RALYL: variants seen among roughly 807,000 people sequenced by gnomAD.
RALYL encodes RALY RNA binding protein like, also known as RNA-binding Raly-like protein.
In RALYL, 29 loss-of-function variants were observed where a neutral mutation model predicts 35.1. The ratio of observed to expected loss-of-function variants is 0.83; its 90% CI spans 0.61 to 1.13. RALYL has a LOEUF of 1.13. RALYL is among the 50% of genes most tolerant of loss of function. The pLI is 0.00. For missense variants in RALYL, 359 were observed against 360.4 expected (o/e 1.00, Z 0.03); for synonymous variants, 120 against 127.6 (o/e 0.94, Z 0.40).
intron 4 of RALYL, among the ~76,000 whole-genome samples, chr8:84,806,587 A>G (rs936941772): frequency 1.3e-5 from 2 of 151,976 alleles, no homozygotes; most frequent in Non-Finnish European, 2.9e-5. Context: ...AAAATACTGT[A>G]TCGCTCAGCC....
At chr8:84,453,004 A>G (rs1467649068) in intron 1 of RALYL, among the ~76,000 whole-genome samples, 2 of 151,950 alleles carry the variant, frequency 1.3e-5, no homozygotes, top group Non-Finnish European at 2.9e-5. Flanking sequence ...AGTATTTCCT[A>G]CTGCGTCTCA....
intron 4 of RALYL, among the ~76,000 whole-genome samples, chr8:84,842,621 G>A (rs1290875353): frequency 1.3e-5 from 2 of 152,106 alleles, no homozygotes; most frequent in South Asian, 2.1e-4. Context: ...AATTTTATGA[G>A]GCCTGCATCA....
At chr8:84,871,937 TG>T (rs1174270094) in intron 6 of RALYL, among the ~76,000 whole-genome samples, 4 of 127,834 alleles carry the variant, frequency 3.1e-5, no homozygotes, top group Non-Finnish European at 5.7e-5. Context: ...ATTTTGTTTT[TG>T]TTTTTTTATT....
At chr8:84,828,717 C>G (rs1156804794) in intron 4 of RALYL, 2 of 177,742 alleles carry the variant, frequency 1.1e-5, no homozygotes, top group Middle Eastern at 2.9e-3. Flanking sequence ...AAGTTGATAA[C>G]AATTTGCCAA....
intron 1 of RALYL, among the ~76,000 whole-genome samples, chr8:84,233,895 T>A (rs561500984): frequency 1.3e-5 from 2 of 152,208 alleles, no homozygotes; most frequent in Non-Finnish European, 2.9e-5. Flanking sequence ...GGATGGTGAT[T>A]TCCTTTCTTT....
chr8:84,768,485 G>T (rs1814647558), intron 2 of RALYL, among the ~76,000 whole-genome samples: 1 of 152,062 alleles, frequency 6.6e-6, no homozygotes, highest in African/African-American at 2.4e-5. Flanking sequence ...ACTAAAACCA[G>T]GTTTTAGATG....
intron 1 of RALYL, among the ~76,000 whole-genome samples, chr8:84,280,717 CAT>C (rs1303627088): frequency 5.3e-5 from 8 of 150,648 alleles, no homozygotes; most frequent in African/African-American, 1.5e-4. Context: ...CAACAAAGTA[CAT>C]ATATGTCTCT....
At chr8:84,490,990 C>A (rs1257319348) in intron 1 of RALYL, among the ~76,000 whole-genome samples, 1 of 151,766 alleles carries the variant, frequency 6.6e-6, no homozygotes, top group African/African-American at 2.4e-5. Flanking sequence ...GAGTTGAAGA[C>A]CCCTATGAAG....
intron 1 of RALYL, among the ~76,000 whole-genome samples, chr8:84,525,115 A>T (rs2058777592): frequency 6.6e-6 from 1 of 151,594 alleles, no homozygotes; most frequent in Admixed American, 6.6e-5. Flanking sequence ...ACATGTGGTT[A>T]TTGACTAACT....
chr8:84,770,030 T>A (rs528493175), intron 2 of RALYL, among the ~76,000 whole-genome samples: 1 of 152,158 alleles, frequency 6.6e-6, no homozygotes, highest in African/African-American at 2.4e-5. Context: ...ATTCCTTGTT[T>A]ATCTCTGCCT....
chr8:84,896,470 G>C (rs1844758269), intron 8 of RALYL, among the ~76,000 whole-genome samples: 1 of 152,136 alleles, frequency 6.6e-6, no homozygotes, highest in Non-Finnish European at 1.5e-5. Flanking sequence ...CTTTAGCCAG[G>C]CTATTTCATT....
At chr8:84,719,250 C>T (rs1365837303) in intron 2 of RALYL, among the ~76,000 whole-genome samples, 2 of 152,100 alleles carry the variant, frequency 1.3e-5, no homozygotes, top group East Asian at 1.9e-4. Flanking sequence ...AATTAATAGA[C>T]GTTGAAGGAT....
At chr8:84,645,051 A>C (rs2131422672) in intron 2 of RALYL, among the ~76,000 whole-genome samples, 1 of 152,086 alleles carries the variant, frequency 6.6e-6, no homozygotes, top group Middle Eastern at 3.4e-3. Context: ...CACCTGGCCA[A>C]GTTTTTCCTT....
chr8:84,615,732 C>T (rs1169536177), intron 2 of RALYL, among the ~76,000 whole-genome samples: 2 of 128,320 alleles, frequency 1.6e-5, no homozygotes, highest in Non-Finnish European at 3.3e-5. Flanking sequence ...TCTCCCAATG[C>T]TGTCCCTCCC....
At chr8:84,768,445 TTTC>T (rs775521137) in intron 2 of RALYL, among the ~76,000 whole-genome samples, 3 of 152,208 alleles carry the variant, frequency 2.0e-5, no homozygotes, top group Non-Finnish European at 4.4e-5. Flanking sequence ...CATGGAATCC[TTTC>T]TGCCCCTTTC....
rs78843826 is a variant in RALYL, at chr8:84,445,227, C to A, written c.-23-84072C>A. 3.9e-5 allele frequency among the ~76,000 whole-genome samples: 6 copies of A among 152,044 alleles called. No individual in the cohort carries two copies. In the East Asian group the frequency reaches 9.7e-4, roughly 25 times the overall value. ...ATATCTTTCAGGAAGTTCCATGAAG[C>A]TTTTTAATTTTAATTTTTAAAGTGA... On this transcript the variant is annotated intron_variant, in intron 1 of 8. Transcript: ENST00000521268.
intron 2 of RALYL, among the ~76,000 whole-genome samples, chr8:84,551,873 A>G (rs1267153786): frequency 6.6e-6 from 1 of 152,158 alleles, no homozygotes; most frequent in Non-Finnish European, 1.5e-5. Context: ...AAAAGGAATC[A>G]TTTAATCTTT....
At chr8:84,774,999 G>A (rs1816498719) in intron 3 of RALYL, among the ~76,000 whole-genome samples, 1 of 151,898 alleles carries the variant, frequency 6.6e-6, no homozygotes, top group South Asian at 2.1e-4. Context: ...GCCCAGGCTG[G>A]AGTGCAGTGG....
intron 2 of RALYL, among the ~76,000 whole-genome samples, chr8:84,635,770 C>T (rs1443306010): frequency 6.6e-6 from 1 of 151,662 alleles, no homozygotes; most frequent in Non-Finnish European, 1.5e-5. Flanking sequence ...GCATGGTGCG[C>T]AGAATGGAAA....
Sources: allele counts gnomAD v4.1 joint callset (sites outside exome capture counted in the v4.1 genomes callset), GRCh38; gene constraint gnomAD v4.1.1; transcripts MANE v1.5; gene names NCBI Gene and HGNC (gene_info 2026-07-23, HGNC 2026-07-21).